The following SLC13A1 variants were observed in gnomAD, a reference collection of about 807,000 sequenced individuals.
The protein encoded by SLC13A1 is Na(+)/sulfate cotransporter.
In SLC13A1, 65 loss-of-function variants were observed where a neutral mutation model predicts 70.0. The ratio of observed to expected loss-of-function variants is 0.93; its 90% confidence interval spans 0.76 to 1.14. The LOEUF (loss-of-function observed/expected upper bound fraction) is 1.14. SLC13A1 is among the 50% of genes most tolerant of loss of function. The pLI, the probability that SLC13A1 is intolerant of heterozygous loss-of-function variation, is 0.00. For synonymous variants in SLC13A1, 275 were observed against 250.5 expected (o/e 1.10, Z -0.92); for missense variants, 726 against 717.8 (o/e 1.01, Z -0.13).
At chr7:123,174,223 C>CA (rs1489490981) in intron 2 of SLC13A1, among the ~76,000 whole-genome samples, 2 of 152,088 alleles carry the variant, frequency 1.3e-5, no homozygotes, top group Middle Eastern at 3.2e-3. Flanking sequence ...ATGTAGACTA[C>CA]ACCAAGATCT....
At chr7:123,155,948 C>G (rs140244775) in intron 6 of SLC13A1, among the ~76,000 whole-genome samples, 1 of 152,008 alleles carries the variant, frequency 6.6e-6, no homozygotes, top group Non-Finnish European at 1.5e-5. Context: ...CTCCTTATCC[C>G]GTTTTACCTT....
chr7:123,171,960 C>T, intron 2 of SLC13A1, 56 bp from the exon 3 acceptor site: 1 of 1,527,760 alleles, frequency 6.5e-7, no homozygotes, highest in Non-Finnish European at 9.0e-7. Context: ...AATAACATTG[C>T]ACAAGAAAGA....
chr7:123,117,687 A>G, intron 13 of SLC13A1, 79 bp from the exon 14 acceptor site: 5 of 841,368 alleles, frequency 5.9e-6, no homozygotes, highest in African/African-American at 1.7e-5. Context: ...AAGTATTACA[A>G]TAAGCCTTCC....
At chr7:123,174,828 C>T (rs1795395606) in intron 2 of SLC13A1, among the ~76,000 whole-genome samples, 1 of 151,906 alleles carries the variant, frequency 6.6e-6, no homozygotes, top group African/African-American at 2.4e-5. Flanking sequence ...TTTAGTTCCC[C>T]AAACACAGAA....
chr7:123,180,957 T>C lies in SLC13A1; in HGVS notation c.228+16A>G, dbSNP rs1431197769. On this transcript the variant is annotated intron_variant, in intron 2 of 14. Transcript: ENST00000194130. ...AAAACAGGAAATCAACTTATGACAT[T>C]GGCAAGAGGACTTACCTTCTTAGAA... 1 of 1,599,382 alleles carries C rather than the reference T, an allele frequency of 6.3e-7. No homozygotes were observed. The highest frequency in any genetic ancestry group is 2.2e-5 in the East Asian group (1 of 44,596).
At chr7:123,159,248 C>T (rs887727612) in intron 6 of SLC13A1, among the ~76,000 whole-genome samples, 1 of 152,024 alleles carries the variant, frequency 6.6e-6, no homozygotes, top group Non-Finnish European at 1.5e-5. Context: ...TCTCAATATT[C>T]GTATGTTGAA....
intron 12 of SLC13A1, among the ~76,000 whole-genome samples, chr7:123,122,714 G>A (rs1477206047): frequency 2.0e-5 from 3 of 151,518 alleles, no homozygotes; most frequent in African/African-American, 7.3e-5. Context: ...ATCAGCAATA[G>A]CATCATGATA....
At chr7:123,191,094 C>T (rs765148426) in intron 1 of SLC13A1, among the ~76,000 whole-genome samples, 3 of 152,074 alleles carry the variant, frequency 2.0e-5, no homozygotes, top group East Asian at 3.9e-4. Flanking sequence ...CTTCTGCACT[C>T]CTTGTTTCTC....
chr7:123,193,156 C>T (rs920782637), intron 1 of SLC13A1, among the ~76,000 whole-genome samples: 4 of 152,160 alleles, frequency 2.6e-5, no homozygotes, highest in Non-Finnish European at 5.9e-5. Flanking sequence ...GAACTACCTG[C>T]TCCAGAATCA....
intron 3 of SLC13A1, among the ~76,000 whole-genome samples, 169 bp from the exon 4 acceptor site, chr7:123,169,504 C>A (rs1795193293): frequency 6.6e-6 from 1 of 152,054 alleles, no homozygotes; most frequent in Non-Finnish European, 1.5e-5. Flanking sequence ...ACCGTGACAG[C>A]CAGGTAGAAA....
In SLC13A1 at chr7:123,158,085, T is replaced by TA. The variant is rs919920496; in HGVS notation, c.660+10288dup. Among the ~76,000 whole-genome samples, 8 of 151,062 alleles carry TA rather than the reference T, an allele frequency of 5.3e-5. 1 individual carries two copies. Among genetic ancestry groups the TA allele is most frequent in the South Asian group, 4.2e-4 (2 of 4,798 alleles). The stretch of plus-strand genomic sequence containing the variant: ...GGACTTAAAGAATTTCCATAGTAAC[T>TA]AAAAAAAAATTTCAATGTTTAAAAG... On this transcript the variant is annotated intron_variant, in intron 6 of 14. Transcript: ENST00000194130.
intron 7 of SLC13A1, among the ~76,000 whole-genome samples, chr7:123,135,657 T>C (rs1793926550): frequency 1.3e-5 from 2 of 152,268 alleles, no homozygotes; most frequent in South Asian, 4.1e-4. Context: ...ATTTATACAC[T>C]TTAGAGTGTT....
chr7:123,151,821 G>A (rs191660067), intron 6 of SLC13A1, among the ~76,000 whole-genome samples: 3 of 152,048 alleles, frequency 2.0e-5, no homozygotes, highest in East Asian at 3.9e-4. Flanking sequence ...TCCTCATCCC[G>A]TCAAATTCTG....
rs772437146 is a variant in SLC13A1, at chr7:123,168,501, T to C, written c.611+3A>G. 1 of 1,609,204 alleles carries C rather than the reference T, an allele frequency of 6.2e-7. No individual in the cohort carries two copies. Among genetic ancestry groups the C allele is most frequent in the Non-Finnish European group, 8.5e-7 (1 of 1,176,654 alleles). On this transcript the variant is annotated splice_donor_region_variant and intron_variant, in intron 5 of 14. Coordinates refer to ENST00000194130, the MANE Select transcript of SLC13A1 (RefSeq NM_022444.4). ...TCCCAATCAAAATGTCAGTATTCCT[T>C]ACCCTGGAACTGGTTTTGTTTTCTC...
At chr7:123,134,339 T>C in intron 8 of SLC13A1, 71 bp downstream of exon 8, 1 of 1,442,790 alleles carries the variant, frequency 6.9e-7, no homozygotes, top group Non-Finnish European at 9.5e-7. Context: ...GGAAAGAGCA[T>C]CGGATAAGAA....
intron 6 of SLC13A1, among the ~76,000 whole-genome samples, chr7:123,147,935 T>C (rs746696583): frequency 2.0e-5 from 3 of 152,170 alleles, no homozygotes; most frequent in Non-Finnish European, 4.4e-5. Flanking sequence ...TGGTGGTACA[T>C]ACTCAATAAG....
chr7:123,144,709 G>T (rs547557157), intron 7 of SLC13A1, among the ~76,000 whole-genome samples: 1 of 152,086 alleles, frequency 6.6e-6, no homozygotes, highest in East Asian at 1.9e-4. Flanking sequence ...CCCATAACAC[G>T]GAGATGTGCT....
At chr7:123,151,190 T>G (rs1794542717) in intron 6 of SLC13A1, among the ~76,000 whole-genome samples, 1 of 151,804 alleles carries the variant, frequency 6.6e-6, no homozygotes, top group Admixed American at 6.6e-5. Flanking sequence ...CATGCTTGGT[T>G]GCAGGCACCT....
chr7:123,151,000 T>A (rs1185325708), intron 6 of SLC13A1, among the ~76,000 whole-genome samples: 1 of 152,010 alleles, frequency 6.6e-6, no homozygotes, highest in African/African-American at 2.4e-5. Context: ...GGCTCCTCCA[T>A]CTAGACCCAT....
Sources: gnomAD v4.1 joint callset for allele counts (sites outside exome capture counted in the v4.1 genomes callset) on GRCh38, gnomAD v4.1.1 for gene constraint, MANE v1.5 for transcripts, NCBI Gene and HGNC (gene_info 2026-07-23, HGNC 2026-07-21) for gene names.